Variants in RPIA observed in about 807,000 individuals in gnomAD.
RPIA encodes ribose-5-phosphate isomerase.
RPIA carries 29 observed loss-of-function variants against 37.8 expected under a neutral mutation model. The observed-to-expected ratio is 0.77, with a 90% CI of 0.57 to 1.05. RPIA has a LOEUF of 1.05. Among genes scored for constraint, RPIA ranks in the 50% least tolerant of loss-of-function variants. The probability of loss-of-function intolerance (pLI) is 0.00; values close to 1 mark genes in which losing one functional copy is unlikely to be tolerated. For missense variants in RPIA, 385 were observed against 413.6 expected, an observed-to-expected ratio of 0.93 and a Z score of 0.60; for synonymous variants, 167 against 157.0, an observed-to-expected ratio of 1.06 and a Z score of -0.48.
chr2:88,704,532 A>G (rs1284786577), intron 3 of RPIA, among the ~76,000 whole-genome samples: 3 of 152,184 alleles, frequency 2.0e-5, no homozygotes, highest in Non-Finnish European at 4.4e-5. Context: ...TCATGATTCA[A>G]TTGTCTCCCA....
At position 88,691,755 on chromosome 2, in the gene RPIA, C is replaced by T. The variant is rs780586313; in HGVS notation, c.57C>T (p.Pro19=). The change falls in exon 1 of 9, where the codon CCC becomes CCT. Residue 19 remains proline (P), a synonymous_variant. Coordinates refer to ENST00000283646, the MANE Select transcript of RPIA (RefSeq NM_144563.3). ...TLYGRVLAPL[P]GRAGGAASGG... is the part of the protein sequence containing the mutation. ...ACGGGCGGGTCTTGGCCCCGCTGCC[C>T]GGGAGGGCCGGGGGCGCGGCCTCCG... 1.9e-5 allele frequency: 30 copies of T among 1,594,412 alleles called. No individual in the cohort carries two copies. Among genetic ancestry groups the T allele is most frequent in the African/African-American group, 1.9e-4 (14 of 74,656 alleles).
chr2:88,729,217 T>G, intron 3 of RPIA, 61 bp from the exon 4 acceptor site: 6 of 1,566,490 alleles, frequency 3.8e-6, no homozygotes, highest in East Asian at 2.2e-5. Flanking sequence ...AGAAGAATTC[T>G]GAGAATCCTT....
chr2:88,726,806 A>C (rs1332221515), intron 3 of RPIA, among the ~76,000 whole-genome samples: 1 of 152,152 alleles, frequency 6.6e-6, no homozygotes. Context: ...CAGTGGCACT[A>C]TCTCGGCTCA....
chr2:88,697,269 T>C (rs1672761038), intron 1 of RPIA, among the ~76,000 whole-genome samples: 1 of 152,232 alleles, frequency 6.6e-6, no homozygotes, highest in Non-Finnish European at 1.5e-5. Flanking sequence ...CTTACAATAT[T>C]GAACTCATCT....
chr2:88,692,713 T>G (rs1280244424), intron 1 of RPIA, among the ~76,000 whole-genome samples: 1 of 152,188 alleles, frequency 6.6e-6, no homozygotes, highest in Non-Finnish European at 1.5e-5. Flanking sequence ...GGAAGCCAAG[T>G]GGAGTATGTC....
Position 88,713,099 on chromosome 2 carries a change from A to AATATATAT in RPIA, c.402+13050_402+13057dup, listed in dbSNP as rs1553420187. Among the ~76,000 whole-genome samples, 20 of 45,584 alleles carry AATATATAT rather than the reference A, an allele frequency of 4.4e-4. 1 individual carries two copies. Among genetic ancestry groups the AATATATAT allele is most frequent in the African/African-American group, 2.2e-3 (18 of 8,090 alleles). 29.9% of individuals were successfully genotyped at this position (45,584 alleles called of 152,430 possible). Reference sequence around the variant, plus strand: ...TTGGCCATGACGTTTTGGATGTCTGAATATATATATATATATATATATTTT... The same window carrying AATATATAT: ...TTGGCCATGACGTTTTGGATGTCTGAATATATATATATATATATATATATATATATTTT... On this transcript the variant is annotated intron_variant, in intron 3 of 8. Coordinates refer to ENST00000283646, the MANE Select transcript of RPIA (RefSeq NM_144563.3).
chr2:88,716,827 T>C (rs1372883745), intron 3 of RPIA, among the ~76,000 whole-genome samples: 3 of 152,234 alleles, frequency 2.0e-5, no homozygotes, highest in Non-Finnish European at 4.4e-5. Flanking sequence ...TGAAAATTAC[T>C]GACAAAAGGC....
intron 8 of RPIA, among the ~76,000 whole-genome samples, chr2:88,743,246 A>G (rs1673403617): frequency 6.6e-6 from 1 of 152,114 alleles, no homozygotes; most frequent in Non-Finnish European, 1.5e-5. Context: ...TTTAATAATA[A>G]AGCAATGCTG....
intron 8 of RPIA, among the ~76,000 whole-genome samples, chr2:88,748,536 C>T (rs922342507): frequency 1.3e-5 from 2 of 152,308 alleles, no homozygotes; most frequent in Middle Eastern, 3.4e-3. Flanking sequence ...ATACCTGGTC[C>T]ATTATACCTT....
rs1406365154 is a variant in RPIA at position 88,691,827 on chromosome 2, G to GA, written c.129_130insA (p.Pro44ThrfsTer54). 2.5e-6 allele frequency: 4 copies of GA among 1,597,190 alleles called. No individual in the cohort carries two copies. The highest frequency in any genetic ancestry group is 1.8e-5 in the Admixed American group (1 of 56,960). On this transcript the variant is annotated frameshift_variant, in exon 1 of 9. Transcript: ENST00000283646. LOFTEE classifies it high-confidence loss of function. The stretch of plus-strand genomic sequence containing the variant: ...ACCTCCCGGGTTCCCACGTGCGGCT[G>GA]CCGGGGCGTGCACAGTCTGGGACCC...
At chr2:88,705,440 C>G (rs1047633123) in intron 3 of RPIA, among the ~76,000 whole-genome samples, 1 of 152,094 alleles carries the variant, frequency 6.6e-6, no homozygotes, top group Non-Finnish European at 1.5e-5. Context: ...TTCGACAAAC[C>G]TGACAAAAGC....
At chr2:88,713,118 ATAT>A (rs1324086065) in intron 3 of RPIA, among the ~76,000 whole-genome samples, 28 of 45,322 alleles carry the variant, frequency 6.2e-4, no homozygotes, top group African/African-American at 2.9e-3. Flanking sequence ...ATATATATAT[ATAT>A]TTTTTTTTTT....
intron 3 of RPIA, among the ~76,000 whole-genome samples, chr2:88,721,810 AT>A (rs1673135592): frequency 6.6e-6 from 1 of 150,872 alleles, no homozygotes; most frequent in Non-Finnish European, 1.5e-5. Context: ...TAAAAACATA[AT>A]TAAAATCTCT....
intron 8 of RPIA, among the ~76,000 whole-genome samples, chr2:88,748,780 T>A (rs1222948759): frequency 6.6e-6 from 1 of 152,176 alleles, no homozygotes; most frequent in Non-Finnish European, 1.5e-5. Context: ...GGCATAATCA[T>A]GGCTCACTGC....
intron 8 of RPIA, 101 bp from the exon 9 acceptor site, chr2:88,749,880 A>G (rs1051406626): frequency 4.2e-5 from 32 of 763,866 alleles, no homozygotes; most frequent in Middle Eastern, 6.4e-4. Flanking sequence ...CATTCGTCCA[A>G]TGCTGTGTAT....
At chr2:88,722,055 A>C (rs891655691) in intron 3 of RPIA, among the ~76,000 whole-genome samples, 2 of 151,012 alleles carry the variant, frequency 1.3e-5, no homozygotes, top group Non-Finnish European at 2.9e-5. Context: ...TGTCCTGAAC[A>C]TACCTCTTTC....
In RPIA at chr2:88,750,905, G is replaced by A; in HGVS notation, c.*827G>A. ...CCTTACCTCTTTATATTGTTTGCAGGTTTAAATAAAACAGTGTGGTGCCAT... is the reference window on the plus strand; with the variant it reads ...CCTTACCTCTTTATATTGTTTGCAGATTTAAATAAAACAGTGTGGTGCCAT... On this transcript the variant is annotated 3_prime_UTR_variant, in exon 9 of 9. Coordinates refer to ENST00000283646, the MANE Select transcript of RPIA (RefSeq NM_144563.3). 1 of 393,700 alleles carries A rather than the reference G, an allele frequency of 2.5e-6. No homozygotes were observed. Among genetic ancestry groups the A allele is most frequent in the African/African-American group, 2.1e-5 (1 of 48,598 alleles). The allele number at this position is 393,700 out of a possible 1,614,324, so 24.4% of individuals were successfully genotyped here. A position where few individuals can be genotyped will look rare whatever the true frequency, so the allele number is the denominator to read the frequency against.
At position 88,729,301 on chromosome 2, in the gene RPIA, T is replaced by C. The variant is rs747731446; in HGVS notation, c.426T>C (p.Tyr142=). The C allele has an allele frequency of 1.9e-6, 3 of 1,614,220 alleles. No homozygotes were observed. The South Asian group carries it at 3.3e-5, about 18-fold the overall frequency. The change falls in exon 4 of 9, where the codon TAT becomes TAC. Residue 142 remains tyrosine (Y), a synonymous_variant. Coordinates refer to ENST00000283646, the MANE Select transcript of RPIA (RefSeq NM_144563.3). Reference sequence around the variant, plus strand: ...AGGCCCGCCAGCTCATCCTGCAGTATGGCTTGACCCTCAGTGATCTGGATC... The same window carrying C: ...AGGCCCGCCAGCTCATCCTGCAGTACGGCTTGACCCTCAGTGATCTGGATC... ...SFQARQLILQ[Y]GLTLSDLDRH...
intron 3 of RPIA, among the ~76,000 whole-genome samples, chr2:88,718,333 G>T (rs1243734633): frequency 6.6e-6 from 1 of 151,638 alleles, no homozygotes; most frequent in African/African-American, 2.4e-5. Flanking sequence ...AGTGCAGCAA[G>T]AATAATAATT....
Sources: allele counts gnomAD v4.1 joint callset (sites outside exome capture counted in the v4.1 genomes callset), GRCh38; gene constraint gnomAD v4.1.1; transcripts MANE v1.5; gene names NCBI Gene and HGNC (gene_info 2026-07-23, HGNC 2026-07-21).